The following CYP4X1 variants were observed in gnomAD, a reference collection of about 807,000 sequenced individuals.
The protein encoded by CYP4X1 is cytochrome P450 family 4 subfamily X member 1.
Under a neutral mutation model 57.9 loss-of-function variants are expected in CYP4X1, and 44 were observed. That is an observed-to-expected ratio of 0.76 (90% CI 0.60 to 0.98). The LOEUF (loss-of-function observed/expected upper bound fraction) is 0.98. Ranked by LOEUF, CYP4X1 falls within the 50% of genes least tolerant of loss-of-function variation. The probability of loss-of-function intolerance (pLI) is 0.00; values close to 1 mark genes in which losing one functional copy is unlikely to be tolerated. For synonymous variants in CYP4X1, 227 were observed against 228.6 expected (o/e 0.99, Z 0.06); for missense variants, 532 against 623.9 (o/e 0.85, Z 1.57).
chr1:46,995,966 G>A, the CYP4X1 span, among the ~76,000 whole-genome samples: 1 of 152,218 alleles, frequency 6.6e-6, no homozygotes, highest in Non-Finnish European at 1.5e-5. Flanking sequence ...GCAGAAAGAG[G>A]TGTAGAGTCA....
intron 8 of CYP4X1, among the ~76,000 whole-genome samples, chr1:47,042,359 G>GAAAAA (rs1644256428): frequency 6.6e-6 from 1 of 151,490 alleles, no homozygotes; most frequent in African/African-American, 2.4e-5. Flanking sequence ...TCTTTGGGTA[G>GAAAAA]TATGGATATT....
chr1:47,051,669 C>G (rs1644360906), downstream of CYP4X1, among the ~76,000 whole-genome samples: 3 of 151,798 alleles, frequency 2.0e-5, no homozygotes, highest in South Asian at 6.2e-4. Context: ...CCCTTGAATT[C>G]CAGATCCTTG....
the CYP4X1 span, among the ~76,000 whole-genome samples, chr1:46,983,908 C>T: frequency 6.6e-6 from 1 of 152,072 alleles, no homozygotes; most frequent in Non-Finnish European, 1.5e-5. Context: ...GGATGCTATG[C>T]CTGCAGTCTG....
At chr1:47,006,971 C>T in the CYP4X1 span, among the ~76,000 whole-genome samples, 4 of 152,226 alleles carry the variant, frequency 2.6e-5, no homozygotes, top group Non-Finnish European at 5.9e-5. Flanking sequence ...TCAAGGAGAC[C>T]TGCCTGCCTC....
At chr1:46,974,556 T>C in the CYP4X1 span, among the ~76,000 whole-genome samples, 1 of 152,118 alleles carries the variant, frequency 6.6e-6, no homozygotes, top group African/African-American at 2.4e-5. Flanking sequence ...ACTGTGTGTT[T>C]ATTTAAGTCT....
At chr1:46,976,002 G>A in the CYP4X1 span, among the ~76,000 whole-genome samples, 1 of 152,070 alleles carries the variant, frequency 6.6e-6, no homozygotes. Context: ...AATAGTAACA[G>A]CTCTGGTCTG....
intron 11 of CYP4X1, 98 bp from the exon 12 acceptor site, chr1:47,049,902 C>A: frequency 8.0e-7 from 1 of 1,247,890 alleles, no homozygotes; most frequent in Non-Finnish European, 1.1e-6. Flanking sequence ...AAAAATATCA[C>A]TTTACTGTGT....
At chr1:47,042,114 T>C (rs555805054) in intron 8 of CYP4X1, among the ~76,000 whole-genome samples, 26 of 152,250 alleles carry the variant, frequency 1.7e-4, no homozygotes, top group African/African-American at 5.3e-4. Context: ...CTGGACTCTT[T>C]ATCCTGTTTT....
chr1:47,033,935 T>G (rs1364105434), intron 4 of CYP4X1, among the ~76,000 whole-genome samples: 1 of 152,198 alleles, frequency 6.6e-6, no homozygotes, highest in Non-Finnish European at 1.5e-5. Flanking sequence ...AAGTACATGC[T>G]CTTACACAAG....
At chr1:47,048,658 T>C (rs1644328764) in intron 10 of CYP4X1, 29 bp downstream of exon 10, 8 of 1,594,574 alleles carry the variant, frequency 5.0e-6, no homozygotes, top group Non-Finnish European at 6.8e-6. Flanking sequence ...CATAAATACT[T>C]CCAAGAACTA....
Position 47,033,377 on chromosome 1 carries a change from A to T in CYP4X1, c.492+9A>T, listed in dbSNP as rs761309402. 2.5e-6 allele frequency: 4 copies of T among 1,613,462 alleles called. No individual in the cohort carries two copies. The African/African-American group carries it at 5.3e-5, about 22-fold the overall frequency. ...CTGTGAAAATGATGCTGGTAAGTAA[A>T]GGGGGAAAGTGCTCTGTGCATTGCG... On this transcript the variant is annotated intron_variant, in intron 4 of 11. Coordinates refer to ENST00000371901, the MANE Select transcript of CYP4X1 (RefSeq NM_178033.2).
chr1:46,976,100 C>G, the CYP4X1 span, among the ~76,000 whole-genome samples: 1 of 152,050 alleles, frequency 6.6e-6, no homozygotes, highest in African/African-American at 2.4e-5. Flanking sequence ...ACTGGTTGGA[C>G]AGTGGATGCA....
Position 47,023,886 on chromosome 1 carries a change from C to T in CYP4X1, c.69C>T (p.Ala23=). 6.2e-7 allele frequency: 1 copy of T among 1,613,720 alleles called. No homozygotes were observed. The highest frequency in any genetic ancestry group is 8.5e-7 in the Non-Finnish European group (1 of 1,179,980). The change falls in exon 1 of 12, where the codon GCC becomes GCT. Residue 23 remains alanine, a synonymous_variant. Coordinates refer to ENST00000371901, the MANE Select transcript of CYP4X1 (RefSeq NM_178033.2). ...PFYLAFVFCL[A]LGLLQAIKLY... is the part of the protein sequence containing the mutation. ...ACCTGGCGTTCGTGTTCTGCCTGGC[C>T]CTGGGGCTGCTGCAGGCCATTAAGC... is the stretch of plus-strand genomic sequence containing the variant.
rs1557602726 is a variant in CYP4X1, at chr1:47,030,018, T to C, written c.206T>C (p.Leu69Pro). Reference sequence around the variant, plus strand: ...ATTCAGGATGATAACATGGAGAAGCTTGAGGAAATTATTGAAAAATACCCT... The same window carrying C: ...ATTCAGGATGATAACATGGAGAAGCCTGAGGAAATTATTGAAAAATACCCT... ...KFIQDDNMEK[L>P]EEIIEKYPRA... is the part of the protein sequence containing the mutation. Residue 69 changes from leucine to proline, a missense_variant, in exon 2 of 12, where the codon CTT becomes CCT. By Grantham distance (98) the Leu-to-Pro change is moderately conservative (BLOSUM62 -3). Transcript: ENST00000371901. The C allele has an allele frequency of 6.2e-7, 1 of 1,613,914 alleles. No individual in the cohort carries two copies.
intron 6 of CYP4X1, among the ~76,000 whole-genome samples, chr1:47,037,246 T>A (rs1421394127): frequency 6.6e-6 from 1 of 151,630 alleles, no homozygotes; most frequent in Non-Finnish European, 1.5e-5. Context: ...AAATGTTAAA[T>A]TTATTCAAAA....
rs769852687 is a variant in CYP4X1 at position 47,033,334 on chromosome 1, T to C, written c.458T>C (p.Ile153Thr). 1.3e-5 allele frequency: 21 copies of C among 1,613,746 alleles called. No individual in the cohort carries two copies. The highest frequency in any genetic ancestry group is 1.8e-5 in the Non-Finnish European group (21 of 1,179,790). The change falls in exon 4 of 12, where the codon ATT (isoleucine) becomes ACT (threonine). Residue 153 changes from isoleucine (I) to threonine (T), a missense_variant. Coordinates refer to ENST00000371901, the MANE Select transcript of CYP4X1 (RefSeq NM_178033.2). ...CATTTTAACATCCTGAAAGCATACATTGAGGTGATGGCTCATTCTGTGAAA... is the reference window on the plus strand; with the variant it reads ...CATTTTAACATCCTGAAAGCATACACTGAGGTGATGGCTCATTCTGTGAAA... ...GFHFNILKAYIEVMAHSVKMM... is the reference protein window; with the variant it reads ...GFHFNILKAYTEVMAHSVKMM...
chr1:46,980,319 C>T, the CYP4X1 span, among the ~76,000 whole-genome samples: 12 of 152,278 alleles, frequency 7.9e-5, no homozygotes, highest in African/African-American at 2.9e-4. Context: ...CACAAGCATT[C>T]TTATACACCA....
chr1:47,053,202 A>T (rs1644370466), downstream of CYP4X1, among the ~76,000 whole-genome samples: 1 of 152,062 alleles, frequency 6.6e-6, no homozygotes, highest in South Asian at 2.1e-4. Flanking sequence ...TTTGCTGAGA[A>T]TGATGGTTTC....
the CYP4X1 span, among the ~76,000 whole-genome samples, chr1:46,998,419 A>G: frequency 6.6e-6 from 1 of 152,012 alleles, no homozygotes; most frequent in African/African-American, 2.4e-5. Context: ...CCCATTTGTA[A>G]ATAGAGTTAT....
Sources: allele counts gnomAD v4.1 joint callset (sites outside exome capture counted in the v4.1 genomes callset), GRCh38; gene constraint gnomAD v4.1.1; transcripts MANE v1.5; gene names NCBI Gene and HGNC (gene_info 2026-07-23, HGNC 2026-07-21).